AACS: variants seen among roughly 807,000 people sequenced by gnomAD.
AACS encodes the protein acetoacetyl-CoA synthetase.
In AACS, 69 loss-of-function variants were observed where a neutral mutation model predicts 83.1. The ratio of observed to expected loss-of-function variants is 0.83; its 90% confidence interval spans 0.68 to 1.01. AACS has a LOEUF of 1.01. Ranked by LOEUF, AACS falls within the 50% of genes least tolerant of loss-of-function variation. The pLI is 0.00. For synonymous variants in AACS, 333 were observed against 343.4 expected (o/e 0.97, Z 0.33); for missense variants, 866 against 882.2 (o/e 0.98, Z 0.23).
Position 125,086,444 on chromosome 12 carries a change from G to T in AACS, c.472+1G>T, listed in dbSNP as rs1956341846. On this transcript the variant is annotated splice_donor_variant, in intron 4 of 17. Transcript: ENST00000316519. LOFTEE classifies it high-confidence loss of function. The stretch of plus-strand genomic sequence containing the variant: ...GTGAAGAAAGGAGATCGGGTTGTTG[G>T]TAAGTATTTTGGGTGCTGGTGATGG... 6.2e-7 allele frequency: 1 copy of T among 1,614,012 alleles called. No homozygotes were observed. The highest frequency in any genetic ancestry group is 1.1e-5 in the South Asian group (1 of 91,084).
rs1365071826 is a variant in AACS, at chr12:125,065,673, A to T, written c.89A>T (p.Asp30Val). 4.5e-6 allele frequency: 7 copies of T among 1,545,548 alleles called. No homozygotes were observed. Residue 30 changes from aspartate to valine, a missense_variant, in exon 1 of 18, where the codon GAC becomes GTC. Physicochemically the swap from Asp to Val is radical, Grantham distance 152 (BLOSUM62 -3). Coordinates refer to ENST00000316519, the MANE Select transcript of AACS (RefSeq NM_023928.5). ...EPDSKKNTQM[D>V]RFRAAVGAAC... ...GACAGTAAGAAGAACACGCAGATGGACCGCTTCCGGGCGGCTGTGGGCGCC... is the reference window on the plus strand; with the variant it reads ...GACAGTAAGAAGAACACGCAGATGGTCCGCTTCCGGGCGGCTGTGGGCGCC...
chr12:125,095,929 C>T (rs962936549), intron 5 of AACS, among the ~76,000 whole-genome samples: 5 of 152,208 alleles, frequency 3.3e-5, no homozygotes, highest in Non-Finnish European at 4.4e-5. Context: ...TCACTCACCC[C>T]GTTCCTGCCT....
chr12:125,107,303 G>T, intron 8 of AACS, 35 bp downstream of exon 8: 1 of 1,604,704 alleles, frequency 6.2e-7, no homozygotes, highest in Non-Finnish European at 8.5e-7. Context: ...AGGGCCTCCT[G>T]TTGTCTGTTT....
intron 10 of AACS, among the ~76,000 whole-genome samples, chr12:125,119,101 G>A (rs1474769642): frequency 1.3e-5 from 2 of 152,172 alleles, no homozygotes; most frequent in African/African-American, 2.4e-5. Flanking sequence ...GTATCGTAAG[G>A]CACGCGGCAT....
chr12:125,136,788 G>T lies in AACS; in HGVS notation c.1805G>T (p.Arg602Met). Residue 602 changes from arginine to methionine, a missense_variant, in exon 17 of 18, where the codon AGG (arginine) becomes ATG (methionine). Physicochemically the swap from Arg to Met is moderately conservative, Grantham distance 91. Coordinates refer to ENST00000316519, the MANE Select transcript of AACS (RefSeq NM_023928.5). ...GHAFQPDLVK[R>M]IRDAIRMGLS... Reference sequence around the variant, plus strand: ...GCCTTCCAGCCTGACTTGGTTAAGAGGATCCGTGACGCCATCCGCATGGGC... The same window carrying T: ...GCCTTCCAGCCTGACTTGGTTAAGATGATCCGTGACGCCATCCGCATGGGC... The T allele has an allele frequency of 6.2e-7, 1 of 1,614,100 alleles. No homozygotes were observed. Among genetic ancestry groups the T allele is most frequent in the South Asian group, 1.1e-5 (1 of 91,078 alleles).
Position 125,107,214 on chromosome 12 carries a change from CA to C in AACS, c.862del (p.Met288CysfsTer25). 6.8e-6 allele frequency: 11 copies of C among 1,614,174 alleles called. No individual in the cohort carries two copies. Among genetic ancestry groups the C allele is most frequent in the Non-Finnish European group, 9.3e-6 (11 of 1,180,050 alleles). On this transcript the variant is annotated frameshift_variant, in exon 8 of 18. Coordinates refer to ENST00000316519, the MANE Select transcript of AACS (RefSeq NM_023928.5). LOFTEE classifies it high-confidence loss of function. Reference sequence around the variant, plus strand: ...TGCCCTTCAGCCACCCACTGTTCATCATGTTCTCATCGGGCACCACGGGCGC... The same window carrying C: ...TGCCCTTCAGCCACCCACTGTTCATCTGTTCTCATCGGGCACCACGGGCGC... ...QLPFSHPLFI[M>X]FSSGTTGAPK...
chr12:125,127,423 G>A (rs1565952176), intron 12 of AACS: 1 of 152,206 alleles, frequency 6.6e-6, no homozygotes, highest in Non-Finnish European at 1.5e-5. Context: ...CCACAATCTT[G>A]CAGCTGGGAA....
At chr12:125,115,048 G>A (rs374451227) in intron 9 of AACS, among the ~76,000 whole-genome samples, 1 of 152,180 alleles carries the variant, frequency 6.6e-6, no homozygotes, top group African/African-American at 2.4e-5. Context: ...CCGCTCCTCC[G>A]CCCACCCTGC....
chr12:125,119,039 CTTTT>C (rs1352304342), intron 10 of AACS, among the ~76,000 whole-genome samples: 1 of 152,180 alleles, frequency 6.6e-6, no homozygotes, highest in African/African-American at 2.4e-5. Context: ...AATCTCATTT[CTTTT>C]AAGAATCTAT....
At position 125,131,788 on chromosome 12, in the gene AACS, G is replaced by A. The variant is rs143866844; in HGVS notation, c.1550-2215G>A. 4.5e-3 allele frequency among the ~76,000 whole-genome samples: 689 copies of A among 152,214 alleles called. 4 individuals are homozygous for A. Among genetic ancestry groups the A allele is most frequent in the Middle Eastern group, 0.01 (3 of 294 alleles). On this transcript the variant is annotated intron_variant, in intron 14 of 17. Transcript: ENST00000316519. ...TAATTTTTGTATTTTTAGCGGAGAC[G>A]GTGTTTCACCATGTTAGCCAGGCTG...
intron 3 of AACS, among the ~76,000 whole-genome samples, chr12:125,080,316 G>C (rs904097497): frequency 6.6e-6 from 1 of 152,102 alleles, no homozygotes; most frequent in East Asian, 1.9e-4. Context: ...ACGGTCAAAT[G>C]TGAATCCTTA....
chr12:125,094,278 C>T lies in AACS; in HGVS notation c.570+2755C>T, dbSNP rs1267418926. Reference sequence around the variant, plus strand: ...ACTGTGCCCCATTTTCAGTAAGGGGCGCTCTTCAGAAACTGCAATGAAGCG... The same window carrying T: ...ACTGTGCCCCATTTTCAGTAAGGGGTGCTCTTCAGAAACTGCAATGAAGCG... On this transcript the variant is annotated intron_variant, in intron 5 of 17. Transcript: ENST00000316519. This position sits in a 1 kb window ranked among gnomAD's most constrained non-coding sequence, Gnocchi z 4.1. Among the ~76,000 whole-genome samples, 2 of 152,186 alleles carry T rather than the reference C, an allele frequency of 1.3e-5. No individual in the cohort carries two copies. Among genetic ancestry groups the T allele is most frequent in the East Asian group, 1.9e-4 (1 of 5,200 alleles).
rs80284465 is a variant in AACS, at chr12:125,074,177, A to G, written c.237+198A>G. Among the ~76,000 whole-genome samples, 194 of 152,238 alleles carry G rather than the reference A, an allele frequency of 1.3e-3. 2 individuals carry two copies. Among genetic ancestry groups the G allele is most frequent in the African/African-American group, 4.4e-3 (183 of 41,542 alleles). On this transcript the variant is annotated intron_variant, in intron 2 of 17. Transcript: ENST00000316519. The stretch of plus-strand genomic sequence containing the variant: ...TTGCAGCCTGTTAATCCTCTGTTGT[A>G]TGGGGACCCCAGGCCCTGTCCTGGG...
At chr12:125,080,494 C>T (rs73421881) in intron 3 of AACS, among the ~76,000 whole-genome samples, 2,397 of 151,246 alleles carry the variant, frequency 0.016, 29 homozygotes, top group Middle Eastern at 0.048. Context: ...CTCTCTGTTA[C>T]ATACAGTATT....
chr12:125,129,880 G>C lies in AACS; in HGVS notation c.1549+420G>C, dbSNP rs1957304941. On this transcript the variant is annotated intron_variant, in intron 14 of 17. Transcript: ENST00000316519. This position sits in a 1 kb window ranked among gnomAD's most constrained non-coding sequence, Gnocchi z 4.3. ...CCTTCGTGTCTCTCACCATCATCCA[G>C]TCCTCATGGAGATGCTGGAGGAAGA... Among the ~76,000 whole-genome samples the C allele has an allele frequency of 6.6e-6, 1 of 152,158 alleles. No individual in the cohort carries two copies. The highest frequency in any genetic ancestry group is 2.4e-5 in the African/African-American group (1 of 41,446).
chr12:125,074,720 G>A (rs1329571980), intron 2 of AACS, among the ~76,000 whole-genome samples: 2 of 138,412 alleles, frequency 1.4e-5, no homozygotes, highest in Non-Finnish European at 3.0e-5. Flanking sequence ...CTGGAGTGCA[G>A]TGGGGCCATC....
intron 3 of AACS, among the ~76,000 whole-genome samples, chr12:125,085,265 G>A (rs141128923): frequency 3.3e-5 from 5 of 152,222 alleles, no homozygotes; most frequent in Admixed American, 6.5e-5. Context: ...TTGCATCCAC[G>A]TCTGTTTCCT....
chr12:125,091,587 C>CATGGGCTGA, intron 5 of AACS, 64 bp downstream of exon 5: 1 of 1,539,432 alleles, frequency 6.5e-7, no homozygotes, highest in Non-Finnish European at 9.0e-7. Context: ...GCAGGGGCTG[C>CATGGGCTGA]ATGGGCTGAA....
At chr12:125,071,855 C>CT (rs979529305) in intron 1 of AACS, among the ~76,000 whole-genome samples, 24 of 150,774 alleles carry the variant, frequency 1.6e-4, no homozygotes, top group African/African-American at 4.6e-4. Flanking sequence ...TTTTGTGATA[C>CT]TTTTTTTTGG....
Sources: gnomAD v4.1 joint callset for allele counts (sites outside exome capture counted in the v4.1 genomes callset) on GRCh38, gnomAD v4.1.1 for gene constraint, Gnocchi (gnomAD v3.1) non-coding constraint, MANE v1.5 for transcripts, NCBI Gene and HGNC (gene_info 2026-07-23, HGNC 2026-07-21) for gene names.